The following KYNU variants were observed in gnomAD, a reference collection of about 807,000 sequenced individuals.
KYNU encodes the protein L-kynurenine hydrolase.
KYNU carries 54 observed loss-of-function variants against 59.2 expected under a neutral mutation model. That is an observed-to-expected ratio of 0.91 (90% CI 0.73 to 1.14). The LOEUF is 1.14. Ranked by LOEUF, KYNU falls within the 50% of genes most tolerant of loss-of-function variation. The pLI, the probability that KYNU is intolerant of heterozygous loss-of-function variation, is 0.00. For missense variants in KYNU, 567 were observed against 554.4 expected (o/e 1.02, Z -0.23); for synonymous variants, 177 against 192.0 (o/e 0.92, Z 0.65).
intron 10 of KYNU, among the ~76,000 whole-genome samples, chr2:143,005,802 G>C (rs943590959): frequency 3.3e-5 from 5 of 152,040 alleles, no homozygotes; most frequent in Non-Finnish European, 7.4e-5. Flanking sequence ...TTTCTGGGTA[G>C]AGAATGATAG....
At chr2:142,971,401 A>G (rs557313113) in intron 8 of KYNU, 1 of 152,030 alleles carries the variant, frequency 6.6e-6, no homozygotes. Context: ...CAACTCGTAC[A>G]TTGCTTGACT....
Position 143,042,283 on chromosome 2 carries a change from T to G in KYNU, c.*111T>G. ...TATGTCACCATTGACCACATGTAAC[T>G]AACAATAAATAATATACCTTACAGA... is the stretch of plus-strand genomic sequence containing the variant. On this transcript the variant is annotated 3_prime_UTR_variant, in exon 14 of 14. Transcript: ENST00000264170. 11 of 1,030,458 alleles carry G rather than the reference T, an allele frequency of 1.1e-5. No homozygotes were observed. Among genetic ancestry groups the G allele is most frequent in the Non-Finnish European group, 1.6e-5 (11 of 684,144 alleles). 63.8% of individuals were successfully genotyped at this position (1,030,458 alleles called of 1,614,324 possible).
At chr2:142,904,978 C>G (rs990930156) in intron 2 of KYNU, among the ~76,000 whole-genome samples, 1 of 152,142 alleles carries the variant, frequency 6.6e-6, no homozygotes, top group South Asian at 2.1e-4. Flanking sequence ...GGCTGAGTTC[C>G]TGAGTCTTTC....
chr2:142,993,653 A>G (rs1275522033), intron 10 of KYNU, among the ~76,000 whole-genome samples: 1 of 152,080 alleles, frequency 6.6e-6, no homozygotes, highest in African/African-American at 2.4e-5. Flanking sequence ...AATTCTCCAG[A>G]TAATTTTCTT....
chr2:142,914,708 GT>G (rs1290536408), intron 2 of KYNU, among the ~76,000 whole-genome samples: 3 of 152,122 alleles, frequency 2.0e-5, no homozygotes, highest in African/African-American at 7.2e-5. Context: ...TCTCTTTGAT[GT>G]TATTATTGTC....
At chr2:143,041,468 T>C (rs1687058689) in intron 13 of KYNU, among the ~76,000 whole-genome samples, 1 of 151,878 alleles carries the variant, frequency 6.6e-6, no homozygotes, top group East Asian at 1.9e-4. Flanking sequence ...CCTCCAAGAG[T>C]TGTGATTGGA....
At position 142,957,640 on chromosome 2, in the gene KYNU, G is replaced by A. The variant is rs752759030; in HGVS notation, c.508-1G>A. 46 of 1,575,124 alleles carry A rather than the reference G, an allele frequency of 2.9e-5. No homozygotes were observed. Among genetic ancestry groups the A allele is most frequent in the South Asian group, 8.9e-5 (8 of 90,246 alleles). ...ATAAATACATCATCTTTCCTTTTTA[G>A]TATGCTATTGAGTCACAACTACAAC... On this transcript the variant is annotated splice_acceptor_variant, in intron 6 of 13. Transcript: ENST00000264170. LOFTEE classifies it high-confidence loss of function.
intron 2 of KYNU, among the ~76,000 whole-genome samples, chr2:142,885,738 C>T (rs1250939858): frequency 6.6e-6 from 1 of 152,186 alleles, no homozygotes; most frequent in African/African-American, 2.4e-5. Context: ...CTCCCCTCCT[C>T]TGAATGAAAT....
intron 12 of KYNU, among the ~76,000 whole-genome samples, chr2:143,039,511 A>T (rs2104925172): frequency 6.6e-6 from 1 of 152,262 alleles, no homozygotes; most frequent in South Asian, 2.1e-4. Context: ...AACTTAATTT[A>T]AAATAATTTT....
At chr2:142,941,848 G>T (rs981035907) in intron 4 of KYNU, among the ~76,000 whole-genome samples, 17 of 152,108 alleles carry the variant, frequency 1.1e-4, no homozygotes, top group African/African-American at 3.6e-4. Context: ...ATTAGTCAGA[G>T]AAATGGTCCT....
At chr2:142,960,465 T>C (rs1684304565) in intron 7 of KYNU, among the ~76,000 whole-genome samples, 159 bp from the exon 8 acceptor site, 1 of 152,166 alleles carries the variant, frequency 6.6e-6, no homozygotes. Flanking sequence ...AAAATTATGC[T>C]CAAATGCTGC....
At chr2:142,955,351 C>A (rs1315774904) in intron 5 of KYNU, among the ~76,000 whole-genome samples, 1 of 152,032 alleles carries the variant, frequency 6.6e-6, no homozygotes, top group African/African-American at 2.4e-5. Flanking sequence ...CTTCTTACAT[C>A]TTACTCAATA....
At chr2:143,034,792 C>A (rs1686847069) in intron 12 of KYNU, among the ~76,000 whole-genome samples, 1 of 152,136 alleles carries the variant, frequency 6.6e-6, no homozygotes, top group Non-Finnish European at 1.5e-5. Context: ...TTTCTGCATT[C>A]CTTGCAAGTT....
intron 4 of KYNU, among the ~76,000 whole-genome samples, chr2:142,932,009 C>T (rs1341150510): frequency 2.0e-5 from 3 of 152,140 alleles, no homozygotes; most frequent in Non-Finnish European, 2.9e-5. Flanking sequence ...GATAGCAGAG[C>T]GGCATGTGAG....
rs61229238 is a variant in KYNU at position 143,047,852 on chromosome 2, C to CTTTTTTTTTTTTTTTTTT, written c.*5689_*5706dup. ...GGCATAAGCTGCCACTCCTGGACCT[C>CTTTTTTTTTTTTTTTTTT]TTTTTTTTTTTTTTTTTTTTTTTTT... On this transcript the variant is annotated 3_prime_UTR_variant, in exon 14 of 14. Coordinates refer to ENST00000264170, the MANE Select transcript of KYNU (RefSeq NM_003937.3). 44 of 100,336 alleles carry CTTTTTTTTTTTTTTTTTT rather than the reference C, an allele frequency of 4.4e-4. 15 individuals are homozygous for CTTTTTTTTTTTTTTTTTT. Among genetic ancestry groups the CTTTTTTTTTTTTTTTTTT allele is most frequent in the South Asian group, 6.4e-4 (2 of 3,136 alleles). The allele number at this position is 100,336 out of a possible 1,614,324, so 6.2% of individuals were successfully genotyped here.
chr2:142,887,441 C>T (rs1386175483), intron 2 of KYNU, among the ~76,000 whole-genome samples: 1 of 152,122 alleles, frequency 6.6e-6, no homozygotes. Flanking sequence ...CCAGCAATCT[C>T]ACTTCAGGAT....
chr2:142,996,029 A>T (rs563829764), intron 10 of KYNU, among the ~76,000 whole-genome samples: 13 of 152,146 alleles, frequency 8.5e-5, no homozygotes, highest in Non-Finnish European at 1.5e-5. Context: ...CTTTCTTCTC[A>T]CTACACATGG....
chr2:143,037,059 T>TA (rs913719125), intron 12 of KYNU, among the ~76,000 whole-genome samples: 61 of 152,352 alleles, frequency 4.0e-4, no homozygotes, highest in African/African-American at 1.4e-3. Context: ...TTGATTGATA[T>TA]AAAAAATAGC....
At chr2:142,935,005 G>A (rs1168806981) in intron 4 of KYNU, among the ~76,000 whole-genome samples, 1 of 152,218 alleles carries the variant, frequency 6.6e-6, no homozygotes, top group Non-Finnish European at 1.5e-5. Flanking sequence ...CGGGCCTGGT[G>A]GAGGTAAGCA....
Sources: gnomAD v4.1 joint callset for allele counts (sites outside exome capture counted in the v4.1 genomes callset) on GRCh38, gnomAD v4.1.1 for gene constraint, MANE v1.5 for transcripts, NCBI Gene and HGNC (gene_info 2026-07-23, HGNC 2026-07-21) for gene names.